The following CNTNAP2 variants were observed in gnomAD, a reference collection of about 807,000 sequenced individuals.
CNTNAP2 encodes contactin-associated protein-like 2.
In CNTNAP2, 98 loss-of-function variants were observed where a neutral mutation model predicts 155.2. The observed-to-expected ratio is 0.63, with a 90% confidence interval of 0.54 to 0.75. The LOEUF (loss-of-function observed/expected upper bound fraction) is 0.75, where lower values mean the gene tolerates loss of function less well. Among genes scored for constraint, CNTNAP2 ranks in the 30% least tolerant of loss-of-function variants. The pLI is 0.00. For missense variants in CNTNAP2, 1,727 were observed against 1,688.1 expected (o/e 1.02, Z -0.40); for synonymous variants, 651 against 631.2 (o/e 1.03, Z -0.47).
At chr7:147,714,438 TTTG>T (rs1796451180) in intron 13 of CNTNAP2, among the ~76,000 whole-genome samples, 1 of 104,978 alleles carries the variant, frequency 9.5e-6, no homozygotes, top group Non-Finnish European at 2.4e-5. Context: ...TGTTTGTGTG[TTTG>T]TTTTTGTTTC....
At chr7:147,906,476 T>G (rs1239546360) in intron 14 of CNTNAP2, among the ~76,000 whole-genome samples, 1 of 151,276 alleles carries the variant, frequency 6.6e-6, no homozygotes, top group Non-Finnish European at 1.5e-5. Context: ...CCAAGATAGA[T>G]CTTTATTTTT....
chr7:146,542,618 A>G (rs927899004), intron 1 of CNTNAP2, among the ~76,000 whole-genome samples: 18 of 151,824 alleles, frequency 1.2e-4, no homozygotes, highest in Admixed American at 8.6e-4. Context: ...TTCCTGTGAT[A>G]TGCATTCTCC....
chr7:147,601,868 CTCTT>C (rs950908342), intron 12 of CNTNAP2, among the ~76,000 whole-genome samples: 11 of 151,742 alleles, frequency 7.2e-5, no homozygotes, highest in African/African-American at 2.4e-4. Flanking sequence ...TTTTCTGTCT[CTCTT>C]TCTTTCTCTG....
At chr7:146,700,189 C>T (rs1186841035) in intron 1 of CNTNAP2, among the ~76,000 whole-genome samples, 1 of 152,058 alleles carries the variant, frequency 6.6e-6, no homozygotes, top group Non-Finnish European at 1.5e-5. Flanking sequence ...AGTCATTAGT[C>T]AATTATCCCT....
At position 146,506,990 on chromosome 7, in the gene CNTNAP2, C is replaced by T. The variant is rs370768557; in HGVS notation, c.98-267281C>T. On this transcript the variant is annotated intron_variant, in intron 1 of 23. Coordinates refer to ENST00000361727, the MANE Select transcript of CNTNAP2 (RefSeq NM_014141.6). ...ATGGCCTTATCTTGCATCAGGACTACAGGTCCCAAGACTTCTTATAATTCT... is the reference window on the plus strand; with the variant it reads ...ATGGCCTTATCTTGCATCAGGACTATAGGTCCCAAGACTTCTTATAATTCT... Among the ~76,000 whole-genome samples the T allele has an allele frequency of 7.2e-5, 11 of 152,276 alleles. No homozygotes were observed. In the East Asian group the frequency reaches 2.1e-3, roughly 30 times the overall value.
At chr7:148,279,934 A>G (rs1019893241) in intron 21 of CNTNAP2, among the ~76,000 whole-genome samples, 3 of 152,200 alleles carry the variant, frequency 2.0e-5, no homozygotes, top group Admixed American at 1.3e-4. Context: ...AAATTTTACA[A>G]TTGAGGACAG....
In CNTNAP2 at chr7:147,661,744, G is replaced by A. The variant is rs1795613810; in HGVS notation, c.2098+22438G>A. 3.3e-5 allele frequency among the ~76,000 whole-genome samples: 5 copies of A among 152,008 alleles called. No homozygotes were observed. In the South Asian group the frequency reaches 1.0e-3, roughly 32 times the overall value. On this transcript the variant is annotated intron_variant, in intron 13 of 23. Coordinates refer to ENST00000361727, the MANE Select transcript of CNTNAP2 (RefSeq NM_014141.6). ...ATTTTTGTATTTTTAGTAGAGACGG[G>A]GTTTCACCATGTTGGTCAGGCTGTT... is the stretch of plus-strand genomic sequence containing the variant.
At chr7:148,216,252 G>A (rs1006042888) in intron 18 of CNTNAP2, among the ~76,000 whole-genome samples, 2 of 152,066 alleles carry the variant, frequency 1.3e-5, no homozygotes, top group Non-Finnish European at 2.9e-5. Context: ...ATGCAGGAAG[G>A]GTTTCTTTCT....
chr7:146,137,501 AAAG>A (rs1330051446), intron 1 of CNTNAP2, among the ~76,000 whole-genome samples: 14 of 152,098 alleles, frequency 9.2e-5, no homozygotes, highest in Non-Finnish European at 2.1e-4. Flanking sequence ...TTAGGACTTG[AAAG>A]AAGAAGGTGA....
chr7:146,302,000 C>G (rs150725586), intron 1 of CNTNAP2, among the ~76,000 whole-genome samples: 54 of 152,232 alleles, frequency 3.5e-4, no homozygotes, highest in African/African-American at 1.2e-3. Context: ...TTCTTCCACT[C>G]TTTCTGAAAA....
At chr7:148,074,617 G>A (rs745719792) in intron 15 of CNTNAP2, among the ~76,000 whole-genome samples, 3 of 151,998 alleles carry the variant, frequency 2.0e-5, no homozygotes, top group Non-Finnish European at 4.4e-5. Context: ...TGAACTCGGA[G>A]GTGGAGGTTG....
At chr7:147,585,716 A>T (rs1800606481) in intron 12 of CNTNAP2, among the ~76,000 whole-genome samples, 1 of 151,716 alleles carries the variant, frequency 6.6e-6, no homozygotes, top group Non-Finnish European at 1.5e-5. Flanking sequence ...TTTTCTATGG[A>T]ATTTCTGTGG....
intron 21 of CNTNAP2, among the ~76,000 whole-genome samples, chr7:148,287,317 A>G (rs1472576529): frequency 6.6e-6 from 1 of 152,244 alleles, no homozygotes; most frequent in Non-Finnish European, 1.5e-5. Flanking sequence ...AATCAAATCA[A>G]GAAACTAAAG....
At chr7:148,232,596 T>C (rs1795983375) in intron 20 of CNTNAP2, among the ~76,000 whole-genome samples, 1 of 152,218 alleles carries the variant, frequency 6.6e-6, no homozygotes, top group Admixed American at 6.5e-5. Context: ...TATAATAACA[T>C]ATGATAACAA....
intron 13 of CNTNAP2, among the ~76,000 whole-genome samples, chr7:147,837,823 C>A (rs1050101701): frequency 6.6e-6 from 1 of 152,214 alleles, no homozygotes; most frequent in Non-Finnish European, 1.5e-5. Flanking sequence ...CCGGGTCACA[C>A]TGATGGTGGG....
At chr7:147,663,423 C>A (rs1795647240) in intron 13 of CNTNAP2, among the ~76,000 whole-genome samples, 1 of 152,238 alleles carries the variant, frequency 6.6e-6, no homozygotes, top group Non-Finnish European at 1.5e-5. Context: ...GTGATGTAAT[C>A]TAAAAATCAG....
chr7:148,311,804 C>G (rs1331296337), intron 21 of CNTNAP2, among the ~76,000 whole-genome samples: 4 of 152,052 alleles, frequency 2.6e-5, no homozygotes, highest in African/African-American at 9.7e-5. Context: ...ATCAATAAAC[C>G]AAGTGTGTTC....
chr7:147,797,462 G>A (rs541528708), intron 13 of CNTNAP2, among the ~76,000 whole-genome samples: 31 of 152,126 alleles, frequency 2.0e-4, no homozygotes, highest in African/African-American at 5.1e-4. Flanking sequence ...CAAACCCTAC[G>A]TTTGAGGGTT....
intron 13 of CNTNAP2, among the ~76,000 whole-genome samples, chr7:147,746,377 C>G (rs935863772): frequency 6.6e-6 from 1 of 152,122 alleles, no homozygotes; most frequent in African/African-American, 2.4e-5. Context: ...TAGAGACAGT[C>G]CATAAATATT....
Sources: allele counts gnomAD v4.1 joint callset (sites outside exome capture counted in the v4.1 genomes callset), GRCh38; gene constraint gnomAD v4.1.1; transcripts MANE v1.5; gene names NCBI Gene and HGNC (gene_info 2026-07-23, HGNC 2026-07-21).